WDPCP: variants seen among roughly 807,000 people sequenced by gnomAD.
WDPCP encodes the protein WD repeat-containing and planar cell polarity effector protein fritz homolog.
Under a neutral mutation model 93.1 loss-of-function variants are expected in WDPCP, and 71 were observed. The observed-to-expected ratio is 0.76, with a 90% CI of 0.63 to 0.93. The LOEUF (loss-of-function observed/expected upper bound fraction) is 0.93. Ranked by LOEUF, WDPCP falls within the 40% of genes least tolerant of loss-of-function variation. The probability of loss-of-function intolerance (pLI) is 0.00; values close to 1 mark genes in which losing one functional copy is unlikely to be tolerated. For synonymous variants in WDPCP, 315 were observed against 315.0 expected (o/e 1.00, Z 0.00); for missense variants, 844 against 887.4 (o/e 0.95, Z 0.62).
upstream of WDPCP, chr2:63,588,883 AG>A (rs1709072251): frequency 4.5e-6 from 4 of 891,448 alleles, no homozygotes; most frequent in Non-Finnish European, 5.4e-6. Context: ...CGCCACAACC[AG>A]GGCAGCGTAA....
At chr2:63,698,192 G>A (rs1054860733) in intron 2 of WDPCP, among the ~76,000 whole-genome samples, 1 of 150,534 alleles carries the variant, frequency 6.6e-6, no homozygotes, top group Admixed American at 6.6e-5. Context: ...CTGACCTCAG[G>A]TGATCTGCCA....
At chr2:63,363,720 TAGG>T (rs1206036360) in intron 12 of WDPCP, among the ~76,000 whole-genome samples, 3 of 137,500 alleles carry the variant, frequency 2.2e-5, no homozygotes, top group African/African-American at 8.6e-5. Context: ...CCTCTAAAGT[TAGG>T]AGATTAGGAA....
chr2:63,250,979 C>A (rs868655409), intron 14 of WDPCP, among the ~76,000 whole-genome samples: 2 of 152,062 alleles, frequency 1.3e-5, no homozygotes, highest in African/African-American at 2.4e-5. Context: ...AAAAAGATCT[C>A]TCCAAAGTTT....
At chr2:63,300,447 G>A (rs980919291) in intron 13 of WDPCP, among the ~76,000 whole-genome samples, 12 of 152,106 alleles carry the variant, frequency 7.9e-5, no homozygotes, top group Admixed American at 3.9e-4. Context: ...GTTGTTGCAT[G>A]GGACTGAAAG....
At chr2:63,669,235 G>A (rs1710317874) in intron 2 of WDPCP, among the ~76,000 whole-genome samples, 1 of 152,126 alleles carries the variant, frequency 6.6e-6, no homozygotes. Context: ...AATCTGGCAG[G>A]ATATAAATAG....
intron 14 of WDPCP, among the ~76,000 whole-genome samples, chr2:63,214,913 C>T (rs562825414): frequency 6.6e-6 from 1 of 152,106 alleles, no homozygotes; most frequent in Non-Finnish European, 1.5e-5. Context: ...ATCCAACTTA[C>T]AAGGGATGGG....
At chr2:63,224,401 G>C (rs1446075170) in intron 14 of WDPCP, among the ~76,000 whole-genome samples, 1 of 151,856 alleles carries the variant, frequency 6.6e-6, no homozygotes, top group Non-Finnish European at 1.5e-5. Flanking sequence ...ATTTACCCAA[G>C]GGAACTGAAA....
chr2:63,537,550 G>A (rs1704383146), intron 1 of WDPCP, among the ~76,000 whole-genome samples: 1 of 152,064 alleles, frequency 6.6e-6, no homozygotes, highest in Admixed American at 6.6e-5. Flanking sequence ...GAAGTCTTAG[G>A]GTCCTATGAG....
At chr2:63,280,404 T>A (rs534140656) in intron 13 of WDPCP, among the ~76,000 whole-genome samples, 1 of 152,280 alleles carries the variant, frequency 6.6e-6, no homozygotes, top group African/African-American at 2.4e-5. Flanking sequence ...CCGACCCCCA[T>A]GATTCAATTA....
Position 63,182,041 on chromosome 2 carries a change from T to C in WDPCP, c.1916-7209A>G, listed in dbSNP as rs181247436. On this transcript the variant is annotated intron_variant, in intron 14 of 17. Coordinates refer to ENST00000272321, the MANE Select transcript of WDPCP (RefSeq NM_015910.7). ...ATATTCTGAAACTTTACTGAACTTA[T>C]GAAATCTGGGAGTCTTTGGGATTTT... Among the ~76,000 whole-genome samples, 10 of 152,064 alleles carry C rather than the reference T, an allele frequency of 6.6e-5. No homozygotes were observed. The South Asian group carries it at 1.0e-3, about 16-fold the overall frequency.
intron 9 of WDPCP, among the ~76,000 whole-genome samples, chr2:63,418,520 T>A (rs1226813899): frequency 1.3e-5 from 2 of 152,240 alleles, no homozygotes; most frequent in Non-Finnish European, 2.9e-5. Context: ...TTCCTTCACT[T>A]ACTGGGTTCT....
intron 14 of WDPCP, among the ~76,000 whole-genome samples, chr2:63,244,560 A>G (rs1386303678): frequency 6.6e-6 from 1 of 152,188 alleles, no homozygotes; most frequent in Admixed American, 6.6e-5. Flanking sequence ...TAAAAATATA[A>G]AAGATCCTTA....
At chr2:63,165,733 A>G (rs1414106742) in intron 15 of WDPCP, among the ~76,000 whole-genome samples, 1 of 151,238 alleles carries the variant, frequency 6.6e-6, no homozygotes, top group Non-Finnish European at 1.5e-5. Context: ...ATTCATTTGC[A>G]TAGAAATTTG....
chr2:63,169,318 G>A (rs562535974), intron 15 of WDPCP, among the ~76,000 whole-genome samples: 16 of 152,320 alleles, frequency 1.1e-4, no homozygotes, highest in African/African-American at 3.6e-4. Flanking sequence ...AGGAGATCAT[G>A]GATGACTATA....
chr2:63,599,272 C>T lies in WDPCP; in HGVS notation n.488+51387G>A, dbSNP rs1709377201. The T allele has an allele frequency of 6.2e-7, 1 of 1,613,288 alleles. No individual in the cohort carries two copies. ...CTTCAGTTGCTTGACTCGTTTGGATCACAACCGAGCTAAAGCTCAAGTAAG... is the reference window on the plus strand; with the variant it reads ...CTTCAGTTGCTTGACTCGTTTGGATTACAACCGAGCTAAAGCTCAAGTAAG... On this transcript the variant is annotated intron_variant and non_coding_transcript_variant, in intron 3 of 4. Coordinates refer to the WDPCP transcript ENST00000467687.
intron 2 of WDPCP, among the ~76,000 whole-genome samples, chr2:63,808,861 G>A (rs1235115741): frequency 3.3e-5 from 5 of 151,456 alleles, no homozygotes; most frequent in South Asian, 2.1e-4. Context: ...AGTGAGGAGC[G>A]TCTCTGCCCG....
chr2:63,390,213 A>G (rs1693111201), intron 10 of WDPCP, among the ~76,000 whole-genome samples: 1 of 152,242 alleles, frequency 6.6e-6, no homozygotes, highest in African/African-American at 2.4e-5. Context: ...ACCACAGTGC[A>G]ATCAAATTAG....
intron 14 of WDPCP, among the ~76,000 whole-genome samples, chr2:63,197,678 G>C (rs1574851497): frequency 1.3e-5 from 2 of 152,144 alleles, no homozygotes; most frequent in South Asian, 2.1e-4. Context: ...CAACATATCT[G>C]AAACTAGCCA....
At chr2:63,190,023 T>C (rs1248806085) in intron 14 of WDPCP, among the ~76,000 whole-genome samples, 2 of 152,086 alleles carry the variant, frequency 1.3e-5, no homozygotes, top group Non-Finnish European at 2.9e-5. Context: ...TCTTTACTGA[T>C]TGGGGGATAT....
Sources: allele counts gnomAD v4.1 joint callset (sites outside exome capture counted in the v4.1 genomes callset), GRCh38; gene constraint gnomAD v4.1.1; transcripts MANE v1.5; gene names NCBI Gene and HGNC (gene_info 2026-07-23, HGNC 2026-07-21).